The following MCTP2 variants were observed in gnomAD, a reference collection of about 807,000 sequenced individuals.
MCTP2 encodes the protein multiple C2 and transmembrane domain containing 2, also known as multiple C2 and transmembrane domain-containing protein 2.
Under a neutral mutation model 111.6 loss-of-function variants are expected in MCTP2, and 132 were observed. That is an observed-to-expected ratio of 1.18 (90% CI 1.03 to 1.37). The LOEUF (loss-of-function observed/expected upper bound fraction) is 1.37, where lower values mean the gene tolerates loss of function less well. Among genes scored for constraint, MCTP2 ranks in the 40% most tolerant of loss-of-function variants. MCTP2 has a pLI of 0.00. For synonymous variants in MCTP2, 395 were observed against 387.7 expected, an observed-to-expected ratio of 1.02 and a Z score of -0.22; for missense variants, 1,183 against 1,067.9, an observed-to-expected ratio of 1.11 and a Z score of -1.50.
At chr15:94,280,900 G>C (rs1034190460) in intron 1 of MCTP2, among the ~76,000 whole-genome samples, 1 of 152,122 alleles carries the variant, frequency 6.6e-6, no homozygotes, top group African/African-American at 2.4e-5. Context: ...GTGTGGTTTT[G>C]AGAGGTCTTT....
At chr15:94,430,110 G>T (rs1455326713) in intron 17 of MCTP2, among the ~76,000 whole-genome samples, 2 of 152,118 alleles carry the variant, frequency 1.3e-5, no homozygotes, top group African/African-American at 4.8e-5. Context: ...CTTTGTAGAT[G>T]AAATATGTGT....
chr15:94,350,924 G>A (rs1377030343), intron 8 of MCTP2, among the ~76,000 whole-genome samples: 3 of 151,544 alleles, frequency 2.0e-5, no homozygotes, highest in Admixed American at 6.6e-5. Flanking sequence ...GAAGCATTTC[G>A]CTGGTCCTAA....
intron 1 of MCTP2, among the ~76,000 whole-genome samples, chr15:94,290,100 A>T (rs915099393): frequency 6.6e-6 from 1 of 152,048 alleles, no homozygotes; most frequent in Non-Finnish European, 1.5e-5. Context: ...TAAAAAATGG[A>T]ATTTTGCTAA....
chr15:94,242,920 C>A (rs183393760), intron 1 of MCTP2, among the ~76,000 whole-genome samples: 1 of 144,870 alleles, frequency 6.9e-6, no homozygotes, highest in Non-Finnish European at 1.5e-5. Context: ...CACATATACA[C>A]GTACACATAT....
intron 17 of MCTP2, among the ~76,000 whole-genome samples, chr15:94,407,680 C>T (rs1419652636): frequency 1.3e-5 from 2 of 151,628 alleles, no homozygotes; most frequent in African/African-American, 4.8e-5. Context: ...TTTAGAGATC[C>T]TAGAATATTG....
intron 14 of MCTP2, among the ~76,000 whole-genome samples, chr15:94,397,475 C>T (rs1159632056): frequency 6.6e-6 from 1 of 152,218 alleles, no homozygotes; most frequent in East Asian, 1.9e-4. Context: ...TTTCTTTCAA[C>T]TTTAACATCC....
In MCTP2 at chr15:94,481,009, G is replaced by A. The variant is rs1407608589; in HGVS notation, c.*1975G>A. ...TTAGTTGATTAAGTAGACATTGGAT[G>A]TTTGTTAGAAAGGAATGTTAGTTGT... On this transcript the variant is annotated 3_prime_UTR_variant, in exon 23 of 23. Transcript: ENST00000357742. The A allele has an allele frequency of 6.6e-6, 1 of 152,126 alleles. No homozygotes were observed. Among genetic ancestry groups the A allele is most frequent in the African/African-American group, 2.4e-5 (1 of 41,448 alleles). The allele number at this position is 152,126 out of a possible 1,614,324, so 9.4% of individuals were successfully genotyped here.
intron 17 of MCTP2, among the ~76,000 whole-genome samples, chr15:94,414,810 T>C (rs139160335): frequency 7.9e-5 from 12 of 152,320 alleles, no homozygotes; most frequent in Admixed American, 7.8e-4. Context: ...CATGATCATC[T>C]AATGACCTAT....
At chr15:94,236,363 CCTTT>C (rs1357746027) in intron 1 of MCTP2, among the ~76,000 whole-genome samples, 1 of 125,714 alleles carries the variant, frequency 8.0e-6, no homozygotes, top group Non-Finnish European at 1.7e-5. Context: ...ATGATTCAAT[CCTTT>C]CTTTTTTTTC....
rs767439731 is a variant in MCTP2, at chr15:94,440,166, T to G, written c.2086-10T>G. The G allele has an allele frequency of 6.2e-7, 1 of 1,613,754 alleles. No individual in the cohort carries two copies. Among genetic ancestry groups the G allele is most frequent in the Admixed American group, 1.7e-5 (1 of 60,008 alleles). ...AAGCAGTCGTGTATTCTTATTTGTCTTTCAATCAGGTATTTTTGATCACTG... is the reference window on the plus strand; with the variant it reads ...AAGCAGTCGTGTATTCTTATTTGTCGTTCAATCAGGTATTTTTGATCACTG... On this transcript the variant is annotated splice_polypyrimidine_tract_variant and intron_variant, in intron 17 of 22. Coordinates refer to ENST00000357742, the MANE Select transcript of MCTP2 (RefSeq NM_001385001.1).
chr15:94,288,876 A>G (rs1429312761), intron 1 of MCTP2, among the ~76,000 whole-genome samples: 1 of 152,218 alleles, frequency 6.6e-6, no homozygotes, highest in African/African-American at 2.4e-5. Context: ...TTCTCCACCC[A>G]TAAAAAACAA....
At chr15:94,268,115 C>T (rs2073678055) in intron 1 of MCTP2, among the ~76,000 whole-genome samples, 2 of 151,232 alleles carry the variant, frequency 1.3e-5, no homozygotes, top group African/African-American at 4.9e-5. Context: ...ATGAACCCGC[C>T]TTGGCCTCCC....
intron 16 of MCTP2, 47 bp downstream of exon 16, chr15:94,400,042 C>T: frequency 6.6e-7 from 1 of 1,521,514 alleles, no homozygotes; most frequent in Non-Finnish European, 9.1e-7. Flanking sequence ...ACTCAGCACC[C>T]AGCAGCTGAA....
Position 94,369,072 on chromosome 15 carries a change from A to G in MCTP2, c.1489-1015A>G, listed in dbSNP as rs529476288. On this transcript the variant is annotated intron_variant, in intron 11 of 22. Transcript: ENST00000357742. ...CCTCTTTAAAGGCATTTCCACTTCTAAATTGTAAAAGCATTTCATTTCAAA... is the reference window on the plus strand; with the variant it reads ...CCTCTTTAAAGGCATTTCCACTTCTGAATTGTAAAAGCATTTCATTTCAAA... Among the ~76,000 whole-genome samples, 3 of 152,342 alleles carry G rather than the reference A, an allele frequency of 2.0e-5. No individual in the cohort carries two copies. In the East Asian group the frequency reaches 5.8e-4, roughly 29 times the overall value.
chr15:94,353,030 A>C (rs978030887), intron 8 of MCTP2, among the ~76,000 whole-genome samples: 4 of 152,214 alleles, frequency 2.6e-5, no homozygotes, highest in African/African-American at 4.8e-5. Context: ...GGGTATAATA[A>C]GTAGAATAAA....
At chr15:94,296,382 A>C (rs1347695485) in intron 1 of MCTP2, among the ~76,000 whole-genome samples, 1 of 152,240 alleles carries the variant, frequency 6.6e-6, no homozygotes, top group Non-Finnish European at 1.5e-5. Flanking sequence ...ATACAAAGTA[A>C]TTGAAACAAT....
At chr15:94,233,150 GGATTAATGGAGTTAAA>G (rs2070308332) in intron 1 of MCTP2, among the ~76,000 whole-genome samples, 1 of 152,028 alleles carries the variant, frequency 6.6e-6, no homozygotes, top group Non-Finnish European at 1.5e-5. Context: ...TATCTCCTGG[GGATTAATGGAGTTAAA>G]GTAGTCCTCA....
At chr15:94,245,395 CATGTGTGTATATATTTATATACAT>C (rs1353944211) in intron 1 of MCTP2, among the ~76,000 whole-genome samples, 10 of 49,644 alleles carry the variant, frequency 2.0e-4, no homozygotes, top group Non-Finnish European at 2.9e-4. Flanking sequence ...TATTTATATA[CATGTGTGTATATATTTATATACAT>C]GTGTGTATAT....
intron 17 of MCTP2, among the ~76,000 whole-genome samples, chr15:94,425,997 T>G (rs1219434699): frequency 2.0e-5 from 3 of 152,178 alleles, no homozygotes; most frequent in Non-Finnish European, 4.4e-5. Context: ...TAGTGTTTTT[T>G]GGACATGTCA....
Sources: gnomAD v4.1 joint callset for allele counts (sites outside exome capture counted in the v4.1 genomes callset) on GRCh38, gnomAD v4.1.1 for gene constraint, MANE v1.5 for transcripts, NCBI Gene and HGNC (gene_info 2026-07-23, HGNC 2026-07-21) for gene names.